CDC23: variants seen among roughly 807,000 people sequenced by gnomAD.
The protein encoded by CDC23 is cell division cycle 23.
Under a neutral mutation model 81.7 loss-of-function variants are expected in CDC23, and 26 were observed. The ratio of observed to expected loss-of-function variants is 0.32; its 90% CI spans 0.23 to 0.44. CDC23 has a LOEUF of 0.44. Among genes scored for constraint, CDC23 ranks in the 20% least tolerant of loss-of-function variants. The pLI, the probability that CDC23 is intolerant of heterozygous loss-of-function variation, is 1.00. For missense variants in CDC23, 519 were observed against 728.0 expected, an observed-to-expected ratio of 0.71 and a Z score of 3.30; for synonymous variants, 267 against 270.8, an observed-to-expected ratio of 0.99 and a Z score of 0.14.
intron 9 of CDC23, among the ~76,000 whole-genome samples, chr5:138,195,570 A>C (rs1397834174): frequency 1.1e-5 from 1 of 94,276 alleles, no homozygotes; most frequent in Non-Finnish European, 2.1e-5. Context: ...TAATATATTT[A>C]TATATAATAT....
chr5:138,209,631 C>T (rs1006187849), intron 2 of CDC23, among the ~76,000 whole-genome samples: 2 of 151,672 alleles, frequency 1.3e-5, no homozygotes, highest in Non-Finnish European at 2.9e-5. Flanking sequence ...TTGAGGCCAG[C>T]CTGGCCAACA....
intron 6 of CDC23, 72 bp downstream of exon 6, chr5:138,201,035 C>G: frequency 6.5e-7 from 1 of 1,534,982 alleles, no homozygotes; most frequent in Non-Finnish European, 8.8e-7. Context: ...AAACTTTCCC[C>G]ACCCCTATAT....
At chr5:138,207,997 T>C (rs558977542) in intron 2 of CDC23, among the ~76,000 whole-genome samples, 1 of 151,880 alleles carries the variant, frequency 6.6e-6, no homozygotes, top group East Asian at 1.9e-4. Flanking sequence ...AGCCTCGCTC[T>C]GTCGCCTAGG....
At chr5:138,200,961 T>C in intron 6 of CDC23, 146 bp downstream of exon 6, 1 of 791,768 alleles carries the variant, frequency 1.3e-6, no homozygotes, top group Non-Finnish European at 2.0e-6. Context: ...AAAGACTTAC[T>C]TCCAAAACAG....
At chr5:138,196,730 G>A (rs1226282419) in intron 9 of CDC23, among the ~76,000 whole-genome samples, 19 of 151,050 alleles carry the variant, frequency 1.3e-4, no homozygotes, top group East Asian at 2.0e-4. Flanking sequence ...ACAGGCGCCC[G>A]CCACCACGCC....
At position 138,189,727 on chromosome 5, in the gene CDC23, C is replaced by G; in HGVS notation, c.1529G>C (p.Ser510Thr). 6 of 1,613,970 alleles carry G rather than the reference C, an allele frequency of 3.7e-6. No individual in the cohort carries two copies. The highest frequency in any genetic ancestry group is 5.1e-6 in the Non-Finnish European group (6 of 1,179,910). ...CGEIVEHLEE[S>T]TAFRYLAQYY... is the part of the protein sequence containing the mutation. ...CTGGGCCAGATAGCGAAAGGCAGTGCTTTCCTCCAAGTGTTCTACTATTTC... is the reference window on the plus strand; with the variant it reads ...CTGGGCCAGATAGCGAAAGGCAGTGGTTTCCTCCAAGTGTTCTACTATTTC... The change falls in exon 15 of 16, where the codon AGC becomes ACC. Residue 510 changes from serine (S) to threonine (T), a missense_variant. By Grantham distance (58) the Ser-to-Thr change is moderately conservative (BLOSUM62 1). Transcript: ENST00000394886.
chr5:138,212,997 A>T lies in CDC23; in HGVS notation c.228T>A (p.Ile76=). The change falls in exon 2 of 16, where the codon ATT becomes ATA. Residue 76 remains isoleucine, a synonymous_variant. Transcript: ENST00000394886. ...ACTGTAAACATGTCCTTACCTCTGT[A>T]ATAGGCGGAGGCGGTTGCAGCTCGG... The part of the protein sequence containing the change: ...PLAELQPPPP[I]TEEDAQDMDA... 6.2e-7 allele frequency: 1 copy of T among 1,613,676 alleles called. No homozygotes were observed. The highest frequency in any genetic ancestry group is 2.2e-5 in the East Asian group (1 of 44,868).
chr5:138,206,357 C>T, intron 3 of CDC23, 190 bp downstream of exon 3: 1 of 632,580 alleles, frequency 1.6e-6, no homozygotes, highest in Non-Finnish European at 2.8e-6. Context: ...GTTAGTCATT[C>T]CTAAGAATAT....
chr5:138,213,206 A>G lies in CDC23; in HGVS notation c.107T>C (p.Leu36Pro). Residue 36 changes from leucine (L) to proline (P), a missense_variant, in exon 1 of 16, where the codon CTG becomes CCG. Transcript: ENST00000394886. ...FSDLREIKKQ[L>P]LLIAGLTRER... The stretch of plus-strand genomic sequence containing the variant: ...CCGGGTAAGGCCCGCAATAAGCAGC[A>G]GTTGCTTTTTAATTTCCCGCAAATC... 1 of 1,614,176 alleles carries G rather than the reference A, an allele frequency of 6.2e-7. No homozygotes were observed. The highest frequency in any genetic ancestry group is 8.5e-7 in the Non-Finnish European group (1 of 1,180,026).
chr5:138,199,451 A>C (rs1161277270), intron 6 of CDC23, among the ~76,000 whole-genome samples: 1 of 152,168 alleles, frequency 6.6e-6, no homozygotes. Flanking sequence ...AAAGAGAAAG[A>C]AATAGTTTGG....
At chr5:138,200,546 G>T (rs112859542) in intron 6 of CDC23, among the ~76,000 whole-genome samples, 3 of 152,102 alleles carry the variant, frequency 2.0e-5, no homozygotes, top group Non-Finnish European at 4.4e-5. Context: ...TAGGCTGGGC[G>T]TGGTGGTTCA....
intron 13 of CDC23, 70 bp downstream of exon 13, chr5:138,191,404 G>T: frequency 7.8e-7 from 1 of 1,290,276 alleles, no homozygotes; most frequent in Non-Finnish European, 1.1e-6. Flanking sequence ...GGAGGCTCTA[G>T]ACCATGCAGG....
chr5:138,189,946 A>G, intron 13 of CDC23, 40 bp from the exon 14 acceptor site: 1 of 1,569,464 alleles, frequency 6.4e-7, no homozygotes, highest in Non-Finnish European at 8.8e-7. Context: ...ATGATATCCC[A>G]AAGCAACTTA....
intron 6 of CDC23, among the ~76,000 whole-genome samples, chr5:138,199,208 C>T (rs1581486851): frequency 1.3e-5 from 2 of 152,206 alleles, no homozygotes; most frequent in East Asian, 1.9e-4. Context: ...ACTGGTAGAG[C>T]GCATCCTAGG....
In CDC23 at chr5:138,195,734, ATAT is replaced by A. The variant is rs1754891082; in HGVS notation, c.1012+2462_1012+2464del. Among the ~76,000 whole-genome samples, 2 of 117,702 alleles carry A rather than the reference ATAT, an allele frequency of 1.7e-5. 1 individual carries two copies. 77.2% of individuals were successfully genotyped at this position (117,702 alleles called of 152,430 possible). ...ATATAATATATATGTATATATATAC[ATAT>A]AATATATATGTATATATATACATAT... On this transcript the variant is annotated intron_variant, in intron 9 of 15. Coordinates refer to ENST00000394886, the MANE Select transcript of CDC23 (RefSeq NM_004661.4).
chr5:138,199,728 A>G (rs1754964400), intron 6 of CDC23, among the ~76,000 whole-genome samples: 1 of 152,264 alleles, frequency 6.6e-6, no homozygotes, highest in Non-Finnish European at 1.5e-5. Context: ...AAAGTCTATC[A>G]AGTTGGGAGA....
intron 9 of CDC23, 86 bp from the exon 10 acceptor site, chr5:138,192,743 C>T (rs1754840438): frequency 1.8e-5 from 22 of 1,213,598 alleles, no homozygotes; most frequent in Admixed American, 4.5e-5. Flanking sequence ...ACCAAATGGG[C>T]GTGAAACCAT....
chr5:138,205,346 T>C (rs947989203), intron 3 of CDC23, among the ~76,000 whole-genome samples: 16 of 152,198 alleles, frequency 1.1e-4, no homozygotes, highest in African/African-American at 3.9e-4. Context: ...AATGGAATAT[T>C]ATTAAACTTT....
At chr5:138,206,405 A>C (rs1163599255) in intron 3 of CDC23, 142 bp downstream of exon 3, 1 of 801,960 alleles carries the variant, frequency 1.2e-6, no homozygotes, top group Non-Finnish European at 2.1e-6. Context: ...TATTTATGAT[A>C]TCTTTTTTTT....
Sources: gnomAD v4.1 joint callset for allele counts (sites outside exome capture counted in the v4.1 genomes callset) on GRCh38, gnomAD v4.1.1 for gene constraint, MANE v1.5 for transcripts, NCBI Gene and HGNC (gene_info 2026-07-23, HGNC 2026-07-21) for gene names.